TTC28: variants seen among roughly 807,000 people sequenced by gnomAD.
TTC28 encodes the protein tetratricopeptide repeat protein 28.
TTC28 carries 61 observed loss-of-function variants against 198.0 expected under a neutral mutation model. The ratio of observed to expected loss-of-function variants is 0.31; its 90% CI spans 0.25 to 0.38. The LOEUF (loss-of-function observed/expected upper bound fraction) is 0.38, where lower values mean the gene tolerates loss of function less well. Among genes scored for constraint, TTC28 ranks in the 10% least tolerant of loss-of-function variants. TTC28 has a pLI of 1.00. For missense variants in TTC28, 2,678 were observed against 3,164.0 expected (o/e 0.85, Z 3.69); for synonymous variants, 1,171 against 1,297.8 (o/e 0.90, Z 2.10).
chr22:28,067,293 CAT>C (rs1336533604), intron 12 of TTC28, among the ~76,000 whole-genome samples: 1 of 152,178 alleles, frequency 6.6e-6, no homozygotes, highest in African/African-American at 2.4e-5. Flanking sequence ...TAGCAGGAAA[CAT>C]ATTGGCTTCA....
chr22:28,060,893 C>G (rs1275994567), intron 12 of TTC28, among the ~76,000 whole-genome samples: 2 of 152,150 alleles, frequency 1.3e-5, no homozygotes, highest in African/African-American at 2.4e-5. Flanking sequence ...TGTTTCCTGA[C>G]TTTTTAATGA....
chr22:28,060,559 G>A (rs890967763), intron 12 of TTC28, among the ~76,000 whole-genome samples: 94 of 152,252 alleles, frequency 6.2e-4, no homozygotes, highest in African/African-American at 2.0e-3. Flanking sequence ...ATAAACATAC[G>A]TATGCATGTG....
intron 2 of TTC28, among the ~76,000 whole-genome samples, chr22:28,566,376 C>T (rs1389196397): frequency 6.6e-6 from 1 of 152,142 alleles, no homozygotes; most frequent in African/African-American, 2.4e-5. Flanking sequence ...AAAGACTGAG[C>T]ATATACCTGA....
rs114166232 is a variant in TTC28 at position 28,259,326 on chromosome 22, C to T, written c.933+36872G>A. On this transcript the variant is annotated intron_variant, in intron 5 of 22. Transcript: ENST00000397906. ...ATGAATAAAAATGGATTTAATAAAG[C>T]TTTTAAGATGAAAAACCAAATAGTG... 5.8e-3 allele frequency among the ~76,000 whole-genome samples: 885 copies of T among 151,996 alleles called. 10 individuals are homozygous for T. Among genetic ancestry groups the T allele is most frequent in the African/African-American group, 0.021 (859 of 41,476 alleles).
intron 5 of TTC28, among the ~76,000 whole-genome samples, chr22:28,255,500 G>A (rs1930837026): frequency 6.6e-6 from 1 of 152,014 alleles, no homozygotes; most frequent in Admixed American, 6.6e-5. Flanking sequence ...TGACCAACGT[G>A]GTAAAACCCT....
intron 1 of TTC28, among the ~76,000 whole-genome samples, chr22:28,636,608 G>T (rs1402654021): frequency 1.3e-5 from 2 of 152,106 alleles, no homozygotes; most frequent in African/African-American, 2.4e-5. Context: ...AAGTGGGATT[G>T]CTGGATCCTA....
intron 12 of TTC28, among the ~76,000 whole-genome samples, chr22:28,063,579 A>G (rs1029283261): frequency 6.6e-6 from 1 of 152,114 alleles, no homozygotes; most frequent in Non-Finnish European, 1.5e-5. Flanking sequence ...TGGGAAGGTT[A>G]TCCTAGAAGG....
intron 1 of TTC28, 84 bp downstream of exon 1, chr22:28,679,538 C>A: frequency 1.1e-6 from 1 of 912,602 alleles, no homozygotes; most frequent in Non-Finnish European, 1.5e-6. Context: ...CGCAGGCGCT[C>A]CTCTGCCGCT....
At chr22:28,611,509 T>TTAA (rs2050819181) in intron 2 of TTC28, among the ~76,000 whole-genome samples, 1 of 143,822 alleles carries the variant, frequency 7.0e-6, no homozygotes, top group African/African-American at 2.6e-5. Flanking sequence ...TTTTTAATTT[T>TTAA]TTTTTTTTTT....
At chr22:28,189,288 A>C (rs1262216502) in intron 5 of TTC28, among the ~76,000 whole-genome samples, 1 of 152,198 alleles carries the variant, frequency 6.6e-6, no homozygotes, top group Non-Finnish European at 1.5e-5. Flanking sequence ...ACAAGACAGA[A>C]GTCTTCAGAA....
chr22:28,533,027 A>G (rs1399578279), intron 2 of TTC28, among the ~76,000 whole-genome samples: 3 of 152,184 alleles, frequency 2.0e-5, no homozygotes, highest in Non-Finnish European at 4.4e-5. Context: ...CACAACTCCT[A>G]TTCGACATAG....
chr22:28,284,081 TGACTG>T (rs1308612807), intron 5 of TTC28, among the ~76,000 whole-genome samples: 5 of 152,156 alleles, frequency 3.3e-5, no homozygotes, highest in African/African-American at 1.2e-4. Context: ...GCATTTATCA[TGACTG>T]GCCTGGAATA....
intron 1 of TTC28, among the ~76,000 whole-genome samples, chr22:28,635,315 C>T (rs549285701): frequency 3.3e-5 from 5 of 151,506 alleles, no homozygotes; most frequent in South Asian, 2.1e-4. Flanking sequence ...AGCAAGACTC[C>T]GTCTCAAAAA....
intron 5 of TTC28, among the ~76,000 whole-genome samples, chr22:28,171,140 C>T (rs903541503): frequency 6.6e-6 from 1 of 152,128 alleles, no homozygotes; most frequent in Non-Finnish European, 1.5e-5. Context: ...TTAACAAATA[C>T]TTAACAGTCT....
At chr22:28,028,150 G>C (rs1272739797) in intron 13 of TTC28, among the ~76,000 whole-genome samples, 1 of 152,362 alleles carries the variant, frequency 6.6e-6, no homozygotes, top group East Asian at 1.9e-4. Flanking sequence ...GGTTGGAAGA[G>C]TCTGCAGAGA....
intron 5 of TTC28, among the ~76,000 whole-genome samples, chr22:28,286,134 G>C (rs1367575559): frequency 2.0e-5 from 3 of 151,780 alleles, no homozygotes; most frequent in Non-Finnish European, 4.4e-5. Flanking sequence ...AGAGGTTCAA[G>C]ATTATTAAGT....
chr22:28,279,705 T>C (rs1292490648), intron 5 of TTC28, among the ~76,000 whole-genome samples: 5 of 152,110 alleles, frequency 3.3e-5, no homozygotes, highest in African/African-American at 7.2e-5. Context: ...TACACCTAGG[T>C]AACCCAAATA....
intron 6 of TTC28, among the ~76,000 whole-genome samples, chr22:28,114,893 A>G (rs1351105955): frequency 2.0e-5 from 3 of 152,190 alleles, no homozygotes; most frequent in Admixed American, 6.5e-5. Flanking sequence ...GCCAATACAG[A>G]TATTTTTAAA....
At chr22:28,388,389 T>G (rs1327605236) in intron 2 of TTC28, among the ~76,000 whole-genome samples, 2 of 152,228 alleles carry the variant, frequency 1.3e-5, no homozygotes, top group Non-Finnish European at 2.9e-5. Flanking sequence ...AAGAAAGTCA[T>G]TGGTAGCTTG....
Sources: gnomAD v4.1 joint callset for allele counts (sites outside exome capture counted in the v4.1 genomes callset) on GRCh38, gnomAD v4.1.1 for gene constraint, MANE v1.5 for transcripts, NCBI Gene and HGNC (gene_info 2026-07-23, HGNC 2026-07-21) for gene names.